RBBP8: variants seen among roughly 807,000 people sequenced by gnomAD.
RBBP8 encodes DNA endonuclease RBBP8.
A neutral mutation model predicts 108.3 loss-of-function variants in RBBP8; 88 were observed. The observed-to-expected ratio is 0.81, with a 90% confidence interval of 0.68 to 0.97. The LOEUF is 0.97. Ranked by LOEUF, RBBP8 falls within the 50% of genes least tolerant of loss-of-function variation. RBBP8 has a pLI of 0.00. For synonymous variants in RBBP8, 332 were observed against 348.2 expected (o/e 0.95, Z 0.52); for missense variants, 1,023 against 1,049.0 (o/e 0.98, Z 0.34).
chr18:22,998,937 CTCT>C (rs1180581607), intron 14 of RBBP8, among the ~76,000 whole-genome samples: 2 of 151,996 alleles, frequency 1.3e-5, no homozygotes, highest in African/African-American at 4.8e-5. Context: ...CACTAAATAA[CTCT>C]TCTTAAGAGG....
intron 16 of RBBP8, among the ~76,000 whole-genome samples, chr18:23,016,491 C>T (rs1378809311): frequency 6.6e-6 from 1 of 152,064 alleles, no homozygotes; most frequent in Non-Finnish European, 1.5e-5. Context: ...TTGCAGTGAG[C>T]CAAGATCATG....
At chr18:22,941,544 GA>G (rs1911085668) in intron 2 of RBBP8, among the ~76,000 whole-genome samples, 1 of 152,050 alleles carries the variant, frequency 6.6e-6, no homozygotes, top group Non-Finnish European at 1.5e-5. Flanking sequence ...GGTGTTACAG[GA>G]TCTTCATGAA....
chr18:22,916,686 G>A (rs1250892599), intron 2 of RBBP8, among the ~76,000 whole-genome samples: 1 of 152,004 alleles, frequency 6.6e-6, no homozygotes, highest in African/African-American at 2.4e-5. Context: ...TGATAACAAA[G>A]GTGACTACCA....
At chr18:22,974,738 G>T (rs1914379704) in intron 5 of RBBP8, among the ~76,000 whole-genome samples, 1 of 152,196 alleles carries the variant, frequency 6.6e-6, no homozygotes, top group African/African-American at 2.4e-5. Flanking sequence ...GATTACAGCT[G>T]TGAGCCACTG....
chr18:22,963,794 A>G (rs11082225), intron 4 of RBBP8, among the ~76,000 whole-genome samples: 74,775 of 152,096 alleles, frequency 0.49, 21,757 homozygotes, highest in Middle Eastern at 0.67. Context: ...AGTATAACCA[A>G]TTCCGTTGTA....
chr18:22,974,838 C>A lies in RBBP8; in HGVS notation c.362-315C>A, dbSNP rs573825654. Reference sequence around the variant, plus strand: ...ATTTGAAATTAGTAGGACTGAGTAACCAGATGGAATGCTTTCTTGTCCTCA... The same window carrying A: ...ATTTGAAATTAGTAGGACTGAGTAAACAGATGGAATGCTTTCTTGTCCTCA... On this transcript the variant is annotated intron_variant, in intron 5 of 18. Coordinates refer to ENST00000327155, the MANE Select transcript of RBBP8 (RefSeq NM_002894.3). 7.9e-5 allele frequency among the ~76,000 whole-genome samples: 12 copies of A among 152,228 alleles called. 1 individual carries two copies. In the South Asian group the frequency reaches 1.5e-3, roughly 18 times the overall value.
rs2046400310 is a variant in RBBP8 at position 23,023,080 on chromosome 18, T to A, written c.2596+810T>A. On this transcript the variant is annotated intron_variant, in intron 18 of 18. Transcript: ENST00000327155. ...CCCAGCACTTTTTTTTTTTTCCCCC[T>A]AGAGACAGGGTCTCACTATGTTGCT... is the stretch of plus-strand genomic sequence containing the variant. Among the ~76,000 whole-genome samples the A allele has an allele frequency of 2.0e-5, 3 of 151,540 alleles. No individual in the cohort carries two copies. In the South Asian group the frequency reaches 6.3e-4, roughly 32 times the overall value.
intron 3 of RBBP8, among the ~76,000 whole-genome samples, chr18:22,947,636 T>A (rs1911681295): frequency 6.6e-6 from 1 of 152,056 alleles, no homozygotes; most frequent in Non-Finnish European, 1.5e-5. Context: ...AGAAATGAAG[T>A]TAGTGATTGG....
rs185165630 is a variant in RBBP8 at position 22,956,265 on chromosome 18, C to T, written c.248+6552C>T. On this transcript the variant is annotated intron_variant, in intron 4 of 18. Coordinates refer to ENST00000327155, the MANE Select transcript of RBBP8 (RefSeq NM_002894.3). ...AGCTTTAAAAATCTGTACAAACTAA[C>T]ATTTTGCTGAGACCTTTAAAAGCAA... Among the ~76,000 whole-genome samples the T allele has an allele frequency of 2.9e-3, 444 of 152,038 alleles. 2 individuals carry two copies. The highest frequency in any genetic ancestry group is 0.01 in the African/African-American group (431 of 41,414).
chr18:23,006,257 C>G, intron 15 of RBBP8, 106 bp from the exon 16 acceptor site: 1 of 965,402 alleles, frequency 1.0e-6, no homozygotes, highest in Admixed American at 1.9e-5. Context: ...GAGCATGAAA[C>G]CCAATAAAAA....
intron 3 of RBBP8, among the ~76,000 whole-genome samples, chr18:22,949,048 A>G (rs561830644): frequency 6.6e-6 from 1 of 152,284 alleles, no homozygotes; most frequent in East Asian, 1.9e-4. Context: ...TCCAATACAT[A>G]CATTAATACT....
At chr18:22,918,158 A>G (rs1223679302) in intron 3 of RBBP8, among the ~76,000 whole-genome samples, 5 of 152,210 alleles carry the variant, frequency 3.3e-5, no homozygotes, top group Admixed American at 1.3e-4. Context: ...TAAAAGCCTT[A>G]AATACTTTTT....
At chr18:23,021,365 A>C in intron 17 of RBBP8, among the ~76,000 whole-genome samples, 1 of 152,220 alleles carries the variant, frequency 6.6e-6, no homozygotes, top group East Asian at 1.9e-4. Flanking sequence ...CAGTGAGCCA[A>C]GATCGTGCCA....
rs1335376695 is a variant in RBBP8, at chr18:22,989,276, AGTT to A, written c.770_772del (p.Val257del). 6.2e-7 allele frequency: 1 copy of A among 1,611,552 alleles called. No homozygotes were observed. Among genetic ancestry groups the A allele is most frequent in the Admixed American group, 1.7e-5 (1 of 60,022 alleles). ...ATAAGTCATCTTTTAATTTAGCTAC[AGTT>A]GTTGCTGAAACACTTGGACTTGGTG... On this transcript the variant is annotated inframe_deletion, in exon 9 of 19. Coordinates refer to ENST00000327155, the MANE Select transcript of RBBP8 (RefSeq NM_002894.3).
intron 3 of RBBP8, among the ~76,000 whole-genome samples, chr18:22,928,201 CA>C (rs369797539): frequency 0.054 from 5,996 of 110,028 alleles, 172 homozygotes; most frequent in African/African-American, 0.11. Context: ...ACTTTGTCTC[CA>C]AAAAAAAAAA....
intron 1 of RBBP8, 140 bp from the exon 2 acceptor site, chr18:22,936,614 C>T (rs1910602673): frequency 4.1e-6 from 2 of 492,416 alleles, no homozygotes; most frequent in Admixed American, 6.7e-5. Context: ...CTTTCCTTCC[C>T]CTCCCAAATT....
intron 4 of RBBP8, among the ~76,000 whole-genome samples, chr18:22,957,274 T>C (rs540549622): frequency 3.3e-5 from 5 of 150,284 alleles, no homozygotes; most frequent in Middle Eastern, 3.4e-3. Context: ...AATTATACTT[T>C]GTTGTAATTA....
chr18:22,915,334 CTATAA>C (rs1219491342), intron 1 of RBBP8: 1 of 151,976 alleles, frequency 6.6e-6, no homozygotes, highest in Admixed American at 6.6e-5. Flanking sequence ...AACTCAAAGG[CTATAA>C]TATTAGTTTC....
chr18:22,975,767 G>A (rs1472360829), intron 6 of RBBP8, among the ~76,000 whole-genome samples: 1 of 151,978 alleles, frequency 6.6e-6, no homozygotes, highest in African/African-American at 2.4e-5. Context: ...TACAAATGGG[G>A]AAACCAAAGG....
Sources: allele counts gnomAD v4.1 joint callset (sites outside exome capture counted in the v4.1 genomes callset), GRCh38; gene constraint gnomAD v4.1.1; transcripts MANE v1.5; gene names NCBI Gene and HGNC (gene_info 2026-07-23, HGNC 2026-07-21).